Variants in PRDM1 observed in about 807,000 individuals in gnomAD.
PRDM1 encodes PR/SET domain 1.
A neutral mutation model predicts 62.8 loss-of-function variants in PRDM1; 13 were observed. The observed-to-expected ratio is 0.21, with a 90% confidence interval of 0.13 to 0.33. PRDM1 has a LOEUF of 0.33. PRDM1 is among the 10% of genes least tolerant of loss of function. PRDM1 has a pLI of 1.00. For synonymous variants in PRDM1, 396 were observed against 417.6 expected (o/e 0.95, Z 0.63); for missense variants, 895 against 1,058.8 (o/e 0.85, Z 2.15).
chr6:106,097,730 G>T (rs1205150193), intron 3 of PRDM1, among the ~76,000 whole-genome samples: 3 of 152,226 alleles, frequency 2.0e-5, no homozygotes, highest in Non-Finnish European at 4.4e-5. Context: ...GTAAATTGCA[G>T]TCCGAGGAAG....
At chr6:106,094,554 G>A (rs1470275482) in intron 2 of PRDM1, among the ~76,000 whole-genome samples, 1 of 152,150 alleles carries the variant, frequency 6.6e-6, no homozygotes, top group African/African-American at 2.4e-5. Flanking sequence ...CCAGTCTGAG[G>A]TCATTTCCTC....
upstream of PRDM1, among the ~76,000 whole-genome samples, chr6:106,083,647 C>T (rs1489431212): frequency 6.6e-6 from 1 of 152,180 alleles, no homozygotes; most frequent in Non-Finnish European, 1.5e-5. Flanking sequence ...GAGAACAGAA[C>T]TATTTGGCTC....
At chr6:106,075,115 A>T (rs574197686) in intron 1 of PRDM1, among the ~76,000 whole-genome samples, 1 of 151,566 alleles carries the variant, frequency 6.6e-6, no homozygotes, top group East Asian at 1.9e-4. Flanking sequence ...TTAGGGGGGA[A>T]TTTTTTTTTA....
At chr6:106,047,894 A>G (rs1251869332), upstream of PRDM1, among the ~76,000 whole-genome samples, 1 of 152,204 alleles carries the variant, frequency 6.6e-6, no homozygotes. Context: ...CACCTGGGAC[A>G]TTTAAATGAA....
At position 106,109,091 on chromosome 6, in the gene PRDM1, CAAAAAAAAAAA is replaced by C. The variant is rs36077280; in HGVS notation, c.*1617_*1627del. 50 of 121,808 alleles carry C rather than the reference CAAAAAAAAAAA, an allele frequency of 4.1e-4. 2 individuals carry two copies. In the East Asian group the frequency reaches 5.3e-3, roughly 13 times the overall value. The allele number at this position is 121,808 out of a possible 1,614,324, so 7.5% of individuals were successfully genotyped here. ...GTAAAAGATCTACTTTTTCTAAGGG[CAAAAAAAAAAA>C]AAAAAAAAAAAGAACACTCCTTTCT... On this transcript the variant is annotated 3_prime_UTR_variant, in exon 7 of 7. Transcript: ENST00000369096.
chr6:106,051,709 G>A (rs907317807), intron 1 of PRDM1, among the ~76,000 whole-genome samples: 5 of 152,200 alleles, frequency 3.3e-5, no homozygotes, highest in African/African-American at 1.2e-4. Flanking sequence ...TGGAGTCTGA[G>A]CCCTTGAAGG....
intron 1 of PRDM1, among the ~76,000 whole-genome samples, chr6:106,012,906 T>C (rs914154175): frequency 2.0e-5 from 3 of 152,220 alleles, no homozygotes; most frequent in Non-Finnish European, 4.4e-5. Flanking sequence ...ATGTATAAGA[T>C]TTGGCATATC....
intron 1 of PRDM1, among the ~76,000 whole-genome samples, chr6:106,001,591 T>C (rs1244802140): frequency 6.6e-6 from 1 of 152,182 alleles, no homozygotes; most frequent in East Asian, 1.9e-4. Context: ...TTTTGTTAAG[T>C]AGCCCATCCT....
At chr6:106,073,828 T>C (rs1773559263) in intron 1 of PRDM1, among the ~76,000 whole-genome samples, 1 of 152,128 alleles carries the variant, frequency 6.6e-6, no homozygotes, top group Admixed American at 6.5e-5. Context: ...AGATGTGACT[T>C]TGGATTCAGA....
At chr6:106,096,729 T>C (rs1774126861) in intron 3 of PRDM1, among the ~76,000 whole-genome samples, 1 of 152,202 alleles carries the variant, frequency 6.6e-6, no homozygotes, top group Non-Finnish European at 1.5e-5. Flanking sequence ...GGTGAACCAA[T>C]TAGATGGAAT....
chr6:106,025,200 C>A (rs912187504), intron 1 of PRDM1, among the ~76,000 whole-genome samples: 1 of 152,104 alleles, frequency 6.6e-6, no homozygotes, highest in African/African-American at 2.4e-5. Context: ...GAGATGGAGA[C>A]CTTATGTCAA....
At position 106,086,369 on chromosome 6, in the gene PRDM1, C is replaced by T. The variant is rs1192717669; in HGVS notation, c.-185C>T. On this transcript the variant is annotated 5_prime_UTR_variant, in exon 1 of 7. Transcript: ENST00000369096. The stretch of plus-strand genomic sequence containing the variant: ...CAAAGTGCTGCCGTGACACTCGGCC[C>T]TCCAGTGTTGCGGAGAGGCAAGAGC... 2 of 559,292 alleles carry T rather than the reference C, an allele frequency of 3.6e-6. No individual in the cohort carries two copies. Among genetic ancestry groups the T allele is most frequent in the African/African-American group, 1.9e-5 (1 of 51,422 alleles). 34.6% of individuals were successfully genotyped at this position (559,292 alleles called of 1,614,324 possible). A position where few individuals can be genotyped will look rare whatever the true frequency, so the allele number is the denominator to read the frequency against.
chr6:106,107,587 T>G lies in PRDM1; in HGVS notation c.*101T>G. ...ACATAATCCCAGCTCTGCAAAGCTC[T>G]CTCGACAGCAAATGGTTTCCCCTCA... On this transcript the variant is annotated 3_prime_UTR_variant, in exon 7 of 7. Coordinates refer to ENST00000369096, the MANE Select transcript of PRDM1 (RefSeq NM_001198.4). 2 of 1,061,100 alleles carry G rather than the reference T, an allele frequency of 1.9e-6. No homozygotes were observed. Among genetic ancestry groups the G allele is most frequent in the Non-Finnish European group, 2.6e-6 (2 of 756,034 alleles). The allele number at this position is 1,061,100 out of a possible 1,614,324, so 65.7% of individuals were successfully genotyped here. A position where few individuals can be genotyped will look rare whatever the true frequency, so the allele number is the denominator to read the frequency against.
rs747381082 is a variant in PRDM1 at position 106,105,131 on chromosome 6, T to A, written c.971T>A (p.Ile324Asn). 5 of 1,613,542 alleles carry A rather than the reference T, an allele frequency of 3.1e-6. No homozygotes were observed. In the Admixed American group the frequency reaches 8.3e-5, roughly 27 times the overall value. Reference protein sequence around the residue: ...LAYGIERPTYITRSPIPSSTT... With the variant: ...LAYGIERPTYNTRSPIPSSTT... ...TACGGGATCGAGAGACCCACGTACATCACTCGCTCCCCCATTCCATCCTCC... is the reference window on the plus strand; with the variant it reads ...TACGGGATCGAGAGACCCACGTACAACACTCGCTCCCCCATTCCATCCTCC... The change falls in exon 5 of 7, where the codon ATC becomes AAC. Residue 324 changes from isoleucine to asparagine, a missense_variant. Ile to Asn is a moderately radical substitution (Grantham distance 149). Transcript: ENST00000369096.
chr6:106,104,803 C>T lies in PRDM1; in HGVS notation c.665-22C>T, dbSNP rs763719450. 10 of 1,595,918 alleles carry T rather than the reference C, an allele frequency of 6.3e-6. No individual in the cohort carries two copies. In the African/African-American group the frequency reaches 1.4e-4, roughly 22 times the overall value. Reference sequence around the variant, plus strand: ...AGTTCTCTCTAGCCCTCTGTGTAATCGCCCCTTTTTCTTTATTTCAGCACA... The same window carrying T: ...AGTTCTCTCTAGCCCTCTGTGTAATTGCCCCTTTTTCTTTATTTCAGCACA... On this transcript the variant is annotated intron_variant, in intron 4 of 6. Transcript: ENST00000369096.
chr6:106,101,851 A>G (rs1774283430), intron 4 of PRDM1, among the ~76,000 whole-genome samples: 1 of 152,256 alleles, frequency 6.6e-6, no homozygotes. Flanking sequence ...GAAACAAACC[A>G]AAGGAAAGAA....
At position 106,017,912 on chromosome 6, in the gene PRDM1, G is replaced by A. The variant is rs76603694; in HGVS notation, c.-67+24273G>A. ...GGGAAAGTTCTTTCTTATTTCAAAC[G>A]TGTGCCTCTGGCTTTTGGAGAAATG... is the stretch of plus-strand genomic sequence containing the variant. On this transcript the variant is annotated intron_variant, in intron 1 of 6. Transcript: ENST00000652320. Among the ~76,000 whole-genome samples the A allele has an allele frequency of 7.0e-3, 1,063 of 152,250 alleles. 8 individuals are homozygous for A. Among genetic ancestry groups the A allele is most frequent in the Non-Finnish European group, 9.3e-3 (635 of 68,022 alleles).
intron 1 of PRDM1, among the ~76,000 whole-genome samples, chr6:106,067,810 A>G (rs539760866): frequency 6.6e-6 from 1 of 152,188 alleles, no homozygotes; most frequent in African/African-American, 2.4e-5. Flanking sequence ...GTTGCATAAC[A>G]GTGTAAATGT....
chr6:106,079,281 T>A (rs971132829), intron 1 of PRDM1, among the ~76,000 whole-genome samples: 38 of 151,990 alleles, frequency 2.5e-4, no homozygotes, highest in African/African-American at 8.9e-4. Flanking sequence ...TTTTAACATT[T>A]AAAAAAACTG....
Sources: gnomAD v4.1 joint callset for allele counts (sites outside exome capture counted in the v4.1 genomes callset) on GRCh38, gnomAD v4.1.1 for gene constraint, MANE v1.5 for transcripts, NCBI Gene and HGNC (gene_info 2026-07-23, HGNC 2026-07-21) for gene names.